Variants in WARS2 observed in about 807,000 individuals in gnomAD.
The protein encoded by WARS2 is tryptophan--tRNA ligase, mitochondrial.
A neutral mutation model predicts 36.5 loss-of-function variants in WARS2; 28 were observed. The ratio of observed to expected loss-of-function variants is 0.77; its 90% CI spans 0.57 to 1.05. The LOEUF (loss-of-function observed/expected upper bound fraction) is 1.05, where lower values mean the gene tolerates loss of function less well. Ranked by LOEUF, WARS2 falls within the 50% of genes least tolerant of loss-of-function variation. WARS2 has a pLI of 0.00. For synonymous variants in WARS2, 174 were observed against 178.4 expected (o/e 0.98, Z 0.20); for missense variants, 435 against 456.8 (o/e 0.95, Z 0.44).
intron 2 of WARS2, among the ~76,000 whole-genome samples, chr1:119,073,627 G>A (rs1651499252): frequency 6.6e-6 from 1 of 152,148 alleles, no homozygotes; most frequent in Non-Finnish European, 1.5e-5. Flanking sequence ...AGTCAAGTCT[G>A]TCCCTTCCAC....
In WARS2 at chr1:119,136,472, CGACT is replaced by C. The variant is rs1240841550; in HGVS notation, c.90+4079_90+4082del. On this transcript the variant is annotated intron_variant, in intron 1 of 5. Transcript: ENST00000235521. ...AGCACTTTAAACAAATAAGACTCACCGACTGAGATTAAAAGGAGCTTTAGAGTGG... is the reference window on the plus strand; with the variant it reads ...AGCACTTTAAACAAATAAGACTCACCGAGATTAAAAGGAGCTTTAGAGTGG... Among the ~76,000 whole-genome samples, 7 of 152,214 alleles carry C rather than the reference CGACT, an allele frequency of 4.6e-5. No homozygotes were observed. The South Asian group carries it at 1.5e-3, about 32-fold the overall frequency.
chr1:119,033,110 G>A lies in WARS2; in HGVS notation c.884C>T (p.Ala295Val), dbSNP rs140469836. 24 of 1,614,168 alleles carry A rather than the reference G, an allele frequency of 1.5e-5. No individual in the cohort carries two copies. In the African/African-American group the frequency reaches 1.7e-4, roughly 12 times the overall value. The change falls in exon 6 of 6, where the codon GCG becomes GTG. Residue 295 changes from alanine to valine, a missense_variant. Physicochemically the swap from Ala to Val is moderately conservative, Grantham distance 64. Transcript: ENST00000235521. Reference sequence around the variant, plus strand: ...CTTGTAGCGAGCAGTGTTCATGCCCGCGCTGCGGCGCACCACTTCCTCCAC... The same window carrying A: ...CTTGTAGCGAGCAGTGTTCATGCCCACGCTGCGGCGCACCACTTCCTCCAC... ...LSVEEVVRRS[A>V]GMNTARYKLA...
At chr1:119,089,333 A>G (rs1166420509) in intron 1 of WARS2, among the ~76,000 whole-genome samples, 1 of 152,180 alleles carries the variant, frequency 6.6e-6, no homozygotes, top group Non-Finnish European at 1.5e-5. Context: ...TTGCATCATC[A>G]GACCCTTCTG....
intron 2 of WARS2, among the ~76,000 whole-genome samples, chr1:119,067,939 C>T (rs538011234): frequency 6.6e-6 from 1 of 152,142 alleles, no homozygotes; most frequent in East Asian, 1.9e-4. Flanking sequence ...CATCATGTCA[C>T]ACAGGAGCAT....
intron 1 of WARS2, among the ~76,000 whole-genome samples, chr1:119,134,299 C>T (rs1329793810): frequency 3.4e-5 from 3 of 88,284 alleles, no homozygotes; most frequent in Admixed American, 1.8e-4. Flanking sequence ...CTTCACTCTG[C>T]TTTTTAGGAG....
At chr1:119,106,815 G>A (rs1301572722) in intron 1 of WARS2, among the ~76,000 whole-genome samples, 1 of 152,112 alleles carries the variant, frequency 6.6e-6, no homozygotes, top group Non-Finnish European at 1.5e-5. Context: ...ATTGATTTTG[G>A]TGAACACCAA....
intron 1 of WARS2, among the ~76,000 whole-genome samples, chr1:119,107,617 C>T (rs770416753): frequency 1.1e-4 from 16 of 150,470 alleles, no homozygotes; most frequent in African/African-American, 3.4e-4. Flanking sequence ...CTATATAATG[C>T]CTCTCTCTCT....
intron 1 of WARS2, among the ~76,000 whole-genome samples, chr1:119,088,949 G>A (rs1306250642): frequency 2.0e-5 from 3 of 152,116 alleles, no homozygotes; most frequent in African/African-American, 2.4e-5. Context: ...TTCAACACTC[G>A]AGCACTGTAA....
chr1:119,128,586 A>AC (rs1431353312), intron 1 of WARS2, among the ~76,000 whole-genome samples: 234 of 21,780 alleles, frequency 0.011, 1 homozygote, highest in African/African-American at 0.036. Flanking sequence ...ACCCACTCCC[A>AC]CCCCCACCCT....
intron 1 of WARS2, among the ~76,000 whole-genome samples, chr1:119,137,492 A>C (rs190531707): frequency 6.6e-6 from 1 of 152,220 alleles, no homozygotes; most frequent in East Asian, 1.9e-4. Flanking sequence ...ACACTTTATC[A>C]TACTTCAACT....
intron 1 of WARS2, among the ~76,000 whole-genome samples, chr1:119,127,974 T>C (rs1364957292): frequency 6.6e-6 from 1 of 152,146 alleles, no homozygotes; most frequent in Non-Finnish European, 1.5e-5. Flanking sequence ...TCTCACCTCT[T>C]CTCTCATTGT....
chr1:119,050,410 CTTAT>C (rs891205781), intron 2 of WARS2, among the ~76,000 whole-genome samples: 4 of 152,070 alleles, frequency 2.6e-5, no homozygotes, highest in Non-Finnish European at 4.4e-5. Flanking sequence ...TTATGTTTGG[CTTAT>C]TTATTTATTA....
At chr1:119,045,400 A>G (rs544505954) in intron 3 of WARS2, among the ~76,000 whole-genome samples, 182 bp downstream of exon 3, 9 of 152,348 alleles carry the variant, frequency 5.9e-5, no homozygotes, top group African/African-American at 2.2e-4. Context: ...TTAAGTCAGG[A>G]GGAATCTTGG....
At chr1:119,061,470 C>T (rs893278474) in intron 2 of WARS2, among the ~76,000 whole-genome samples, 1 of 152,058 alleles carries the variant, frequency 6.6e-6, no homozygotes, top group Non-Finnish European at 1.5e-5. Context: ...GCAGAAGAGT[C>T]ACTGAATGAA....
At chr1:119,042,191 C>G in intron 4 of WARS2, 73 bp downstream of exon 4, 2 of 1,418,450 alleles carry the variant, frequency 1.4e-6, no homozygotes, top group Admixed American at 1.7e-5. Flanking sequence ...TGAACCAAGT[C>G]TGTATTGAAT....
At chr1:119,052,040 G>A (rs10923738) in intron 2 of WARS2, among the ~76,000 whole-genome samples, 25,723 of 152,006 alleles carry the variant, frequency 0.17, 3,269 homozygotes, top group East Asian at 0.47. Flanking sequence ...GATTAAAGGC[G>A]TAAGTCACCG....
At chr1:119,050,838 G>T (rs1304457432) in intron 2 of WARS2, among the ~76,000 whole-genome samples, 1 of 152,112 alleles carries the variant, frequency 6.6e-6, no homozygotes, top group Admixed American at 6.5e-5. Context: ...CAAGATTTTG[G>T]TTGCCTGGGA....
At chr1:119,135,547 G>C (rs1175302981) in intron 1 of WARS2, among the ~76,000 whole-genome samples, 1 of 152,114 alleles carries the variant, frequency 6.6e-6, no homozygotes, top group African/African-American at 2.4e-5. Context: ...CTGAATCTTA[G>C]TTTCCTCTTT....
chr1:119,134,851 T>C (rs947056087), intron 1 of WARS2, among the ~76,000 whole-genome samples: 3 of 152,190 alleles, frequency 2.0e-5, no homozygotes, highest in Non-Finnish European at 4.4e-5. Context: ...CTTGAACTCT[T>C]GAATGGTGGT....
Sources: gnomAD v4.1 joint callset for allele counts (sites outside exome capture counted in the v4.1 genomes callset) on GRCh38, gnomAD v4.1.1 for gene constraint, MANE v1.5 for transcripts, NCBI Gene and HGNC (gene_info 2026-07-23, HGNC 2026-07-21) for gene names.